Variants in MED13 observed in about 807,000 individuals in gnomAD.
The protein encoded by MED13 is mediator of RNA polymerase II transcription subunit 13.
MED13 carries 23 observed loss-of-function variants against 225.2 expected under a neutral mutation model. The observed-to-expected ratio is 0.10, with a 90% CI of 0.07 to 0.14. MED13 has a LOEUF of 0.14. MED13 is among the 10% of genes least tolerant of loss of function. MED13 has a pLI of 1.00. For synonymous variants in MED13, 942 were observed against 889.2 expected (o/e 1.06, Z -1.06); for missense variants, 2,197 against 2,594.5 (o/e 0.85, Z 3.33).
rs768029937 is a variant in MED13 at position 62,010,778 on chromosome 17, T to C, written c.1739A>G (p.Asp580Gly). Residue 580 changes from aspartate to glycine, a missense_variant, in exon 9 of 30, where the codon GAC becomes GGC. Coordinates refer to ENST00000397786, the MANE Select transcript of MED13 (RefSeq NM_005121.3). The part of the protein sequence containing the change: ...VPSKPMEDRI[D>G]SLSQSFPPQY... ...AGGTGGGAAAGACTGGGACAAACTG[T>C]CTATCCTATCTTCCATTGGTTTAGA... The C allele has an allele frequency of 5.6e-6, 9 of 1,614,200 alleles. No individual in the cohort carries two copies. The Admixed American group carries it at 1.3e-4, about 24-fold the overall frequency.
chr17:62,012,270 A>G (rs549008411), intron 8 of MED13, among the ~76,000 whole-genome samples: 9 of 151,704 alleles, frequency 5.9e-5, no homozygotes, highest in Non-Finnish European at 1.3e-4. Flanking sequence ...GTGCGCACTG[A>G]GATTTCCACT....
In MED13 at chr17:61,966,634, T is replaced by G. The variant is rs560208198; in HGVS notation, c.4209A>C (p.Gln1403His). The change falls in exon 19 of 30, where the codon CAA (glutamine) becomes CAC (histidine). Residue 1403 changes from glutamine (Q) to histidine (H), a missense_variant. Around this residue, in one of 12 missense-constraint regions of MED13, gnomAD observed 457 missense variants for 442.2 expected, o/e 1.03. Coordinates refer to ENST00000397786, the MANE Select transcript of MED13 (RefSeq NM_005121.3). ...TTAACAGTCGAGAAACAGGTCTATG[T>G]TGACCTAATCGACAGGACTACAAAT... ...TAIYESCRLG[Q>H]HRPVSRLLTD... The G allele has an allele frequency of 6.2e-7, 1 of 1,605,562 alleles. No individual in the cohort carries two copies. Among genetic ancestry groups the G allele is most frequent in the Admixed American group, 1.8e-5 (1 of 57,114 alleles).
At position 62,029,875 on chromosome 17, in the gene MED13, C is replaced by T. The variant is rs370385892; in HGVS notation, c.1148G>A (p.Cys383Tyr). ...CTTGTTCTGTGCTCTGTTCATATTG[C>T]ATTCTTGCCAAACTCTATCCACCAC... is the stretch of plus-strand genomic sequence containing the variant. ...NHVVDRVWQE[C>Y]NMNRAQNKRK... Residue 383 changes from cysteine (C) to tyrosine (Y), a missense_variant, in exon 7 of 30, where the codon TGC (cysteine) becomes TAC (tyrosine). Physicochemically the swap from Cys to Tyr is radical, Grantham distance 194. Around this residue, in one of 12 missense-constraint regions of MED13, gnomAD observed 884 missense variants for 918.5 expected, o/e 0.96. Coordinates refer to ENST00000397786, the MANE Select transcript of MED13 (RefSeq NM_005121.3). 4 of 1,611,548 alleles carry T rather than the reference C, an allele frequency of 2.5e-6. No individual in the cohort carries two copies. In the African/African-American group the frequency reaches 4.0e-5, roughly 16 times the overall value.
At chr17:62,025,541 G>A (rs909658615) in intron 8 of MED13, among the ~76,000 whole-genome samples, 1 of 152,032 alleles carries the variant, frequency 6.6e-6, no homozygotes, top group African/African-American at 2.4e-5. Flanking sequence ...ATGGTGGCGC[G>A]TGCCTATAGT....
chr17:61,948,800 GTCACGGCCGGGCGCGGTGGC>G (rs988129319), intron 28 of MED13, among the ~76,000 whole-genome samples: 1 of 151,390 alleles, frequency 6.6e-6, no homozygotes, highest in African/African-American at 2.4e-5. Context: ...GAATAAGTGA[GTCACGGCCGGGCGCGGTGGC>G]TCACGCCTGT....
intron 27 of MED13, among the ~76,000 whole-genome samples, chr17:61,951,990 C>T (rs976540442): frequency 3.3e-5 from 5 of 152,044 alleles, no homozygotes; most frequent in African/African-American, 7.3e-5. Context: ...CTCCACCTCC[C>T]GGGTTCACAC....
At chr17:62,061,003 G>C (rs1376977671) in intron 2 of MED13, among the ~76,000 whole-genome samples, 1 of 152,002 alleles carries the variant, frequency 6.6e-6, no homozygotes, top group Admixed American at 6.6e-5. Context: ...GCACCCAGCT[G>C]ATCACTATTT....
intron 27 of MED13, among the ~76,000 whole-genome samples, chr17:61,952,554 A>C (rs1009790419): frequency 6.6e-6 from 1 of 152,210 alleles, no homozygotes; most frequent in Admixed American, 6.5e-5. Flanking sequence ...TCTCTTAAAA[A>C]TGTGCAATTC....
chr17:62,005,480 C>T (rs1210488255), intron 9 of MED13: 1 of 152,130 alleles, frequency 6.6e-6, no homozygotes, highest in African/African-American at 2.4e-5. Context: ...GTGGTGCACG[C>T]CTGTAATCCC....
intron 3 of MED13, among the ~76,000 whole-genome samples, chr17:62,049,078 C>CAAAAAAAA (rs890393330): frequency 0.012 from 527 of 45,248 alleles, 16 homozygotes; most frequent in African/African-American, 0.041. Flanking sequence ...GTAAATAAGA[C>CAAAAAAAA]AAAAAAAAAA....
At chr17:61,995,102 A>T in intron 10 of MED13, 50 bp downstream of exon 10, 2 of 1,197,820 alleles carry the variant, frequency 1.7e-6, no homozygotes, top group Admixed American at 1.8e-5. Flanking sequence ...TACTATATGC[A>T]GTGCTACAAA....
chr17:61,960,651 CT>C (rs1473114513), intron 23 of MED13, among the ~76,000 whole-genome samples: 1 of 151,940 alleles, frequency 6.6e-6, no homozygotes, highest in Non-Finnish European at 1.5e-5. Flanking sequence ...TGACCTTAAT[CT>C]TTTTTGTTCA....
At chr17:62,002,996 G>A (rs2080410214) in intron 9 of MED13, among the ~76,000 whole-genome samples, 1 of 152,186 alleles carries the variant, frequency 6.6e-6, no homozygotes, top group Non-Finnish European at 1.5e-5. Context: ...CCTACTAGGT[G>A]CCAGTAGCAC....
intron 9 of MED13, chr17:62,003,621 A>AAAAAAAAAAAAAC (rs10679175): frequency 6.9e-6 from 1 of 144,542 alleles, no homozygotes; most frequent in African/African-American, 2.6e-5. Flanking sequence ...AAAAAAAAAA[A>AAAAAAAAAAAAAC]GCAAAAAGTG....
chr17:62,051,617 A>G (rs2080957431), intron 3 of MED13, among the ~76,000 whole-genome samples: 1 of 150,616 alleles, frequency 6.6e-6, no homozygotes, highest in Non-Finnish European at 1.5e-5. Context: ...CAGTCTTACT[A>G]AAACTAAAAA....
At chr17:61,990,650 T>TATATATATATATATACAC (rs1491124278) in intron 11 of MED13, among the ~76,000 whole-genome samples, 46 of 141,172 alleles carry the variant, frequency 3.3e-4, no homozygotes, top group Middle Eastern at 3.9e-3. Context: ...TATATATATA[T>TATATATATATATATACAC]ACACACTCCC....
At position 62,010,552 on chromosome 17, in the gene MED13, T is replaced by C; in HGVS notation, c.1965A>G (p.Thr655=). 1.4e-6 allele frequency: 2 copies of C among 1,453,738 alleles called. No homozygotes were observed. The highest frequency in any genetic ancestry group is 1.8e-6 in the Non-Finnish European group (2 of 1,100,298). 90.1% of individuals were successfully genotyped at this position (1,453,738 alleles called of 1,614,324 possible). The change falls in exon 9 of 30, where the codon ACA becomes ACG. Residue 655 remains threonine (T), a splice_region_variant and synonymous_variant. Transcript: ENST00000397786. The stretch of plus-strand genomic sequence containing the variant: ...TGACTATTAAAAAAAATACATACTC[T>C]GTAACTGATGTTACACTTTCCTGTC... ...PFGQESVTSV[T]ELMVQCKKPL...
chr17:61,960,231 A>C (rs2079987293), intron 23 of MED13, among the ~76,000 whole-genome samples: 1 of 152,144 alleles, frequency 6.6e-6, no homozygotes, highest in African/African-American at 2.4e-5. Context: ...ATTTACTGCC[A>C]AGAATTCTAA....
Position 61,945,413 on chromosome 17 carries a change from T to C in MED13, c.*1055A>G, listed in dbSNP as rs1176474160. On this transcript the variant is annotated 3_prime_UTR_variant, in exon 30 of 30. Coordinates refer to ENST00000397786, the MANE Select transcript of MED13 (RefSeq NM_005121.3). ...ATAATAATATTTCCATGCCTAAATATGCCACTGTTAAAACTGAAAAAAATT... is the reference window on the plus strand; with the variant it reads ...ATAATAATATTTCCATGCCTAAATACGCCACTGTTAAAACTGAAAAAAATT... 1.3e-5 allele frequency: 2 copies of C among 152,616 alleles called. No individual in the cohort carries two copies. Among genetic ancestry groups the C allele is most frequent in the Non-Finnish European group, 2.9e-5 (2 of 68,036 alleles). The allele number at this position is 152,616 out of a possible 1,614,324, so 9.5% of individuals were successfully genotyped here. A position where few individuals can be genotyped will look rare whatever the true frequency, so the allele number is the denominator to read the frequency against.
Sources: allele counts gnomAD v4.1 joint callset (sites outside exome capture counted in the v4.1 genomes callset), GRCh38; gene constraint gnomAD v4.1.1; regional missense constraint gnomAD v4.1.1; transcripts MANE v1.5; gene names NCBI Gene and HGNC (gene_info 2026-07-23, HGNC 2026-07-21).